Variants in MYO16 observed in about 807,000 individuals in gnomAD.
MYO16 encodes unconventional myosin-XVI.
MYO16 carries 94 observed loss-of-function variants against 205.3 expected under a neutral mutation model. The ratio of observed to expected loss-of-function variants is 0.46; its 90% CI spans 0.39 to 0.54. The LOEUF (loss-of-function observed/expected upper bound fraction) is 0.54, where lower values mean the gene tolerates loss of function less well. MYO16 is among the 20% of genes least tolerant of loss of function. The pLI is 0.00. For missense variants in MYO16, 2,315 were observed against 2,387.5 expected, an observed-to-expected ratio of 0.97 and a Z score of 0.63; for synonymous variants, 988 against 954.0, an observed-to-expected ratio of 1.04 and a Z score of -0.66.
chr13:108,818,282 G>A (rs1025428890), intron 7 of MYO16, among the ~76,000 whole-genome samples: 3 of 151,910 alleles, frequency 2.0e-5, no homozygotes, highest in African/African-American at 7.3e-5. Flanking sequence ...TACTCTGGAG[G>A]CTGAGACATG....
rs756122473 is a variant in MYO16, at chr13:109,100,873, T to TTACAAGGCTGGCAGGTTGGTGACC, written c.3431_3438+16dup. ...TCGACTTGTTCTCCAGCAGTGTAAA[T>TTACAAGGCTGGCAGGTTGGTGACC]TACAAGGCTGGCAGGTTGGTGACCT... is the stretch of plus-strand genomic sequence containing the variant. On this transcript the variant is annotated inframe_insertion, in exon 28 of 35. Coordinates refer to ENST00000457511, the MANE Select transcript of MYO16 (RefSeq NM_001198950.3). 3.3e-4 allele frequency: 536 copies of TTACAAGGCTGGCAGGTTGGTGACC among 1,612,950 alleles called. 2 individuals are homozygous for TTACAAGGCTGGCAGGTTGGTGACC. Among genetic ancestry groups the TTACAAGGCTGGCAGGTTGGTGACC allele is most frequent in the Non-Finnish European group, 4.1e-4 (485 of 1,179,158 alleles).
At chr13:108,756,352 G>A (rs1885421765) in intron 4 of MYO16, among the ~76,000 whole-genome samples, 1 of 152,002 alleles carries the variant, frequency 6.6e-6, no homozygotes, top group Admixed American at 6.6e-5. Context: ...CATTTCATGG[G>A]CATCCAACAC....
intron 1 of MYO16, among the ~76,000 whole-genome samples, chr13:108,657,051 T>C (rs1407287107): frequency 1.3e-5 from 2 of 152,218 alleles, no homozygotes; most frequent in African/African-American, 4.8e-5. Flanking sequence ...CTTCCAGGCC[T>C]CCTATGTTGA....
intron 16 of MYO16, among the ~76,000 whole-genome samples, chr13:108,952,161 A>G (rs1285603348): frequency 2.7e-5 from 4 of 150,876 alleles, no homozygotes; most frequent in Non-Finnish European, 4.4e-5. Context: ...AAATAAATAA[A>G]ACGATATATA....
At chr13:108,557,912 A>G in the MYO16 span, among the ~76,000 whole-genome samples, 1 of 152,192 alleles carries the variant, frequency 6.6e-6, no homozygotes, top group African/African-American at 2.4e-5. Flanking sequence ...ATACACATAT[A>G]GATAGATAGG....
intron 25 of MYO16, among the ~76,000 whole-genome samples, chr13:109,054,099 T>C (rs1887338108): frequency 6.6e-6 from 1 of 152,128 alleles, no homozygotes; most frequent in Non-Finnish European, 1.5e-5. Context: ...AGTAGGTTAG[T>C]GGCTGAGGTT....
chr13:108,570,177 T>A, the MYO16 span, among the ~76,000 whole-genome samples: 1 of 152,176 alleles, frequency 6.6e-6, no homozygotes, highest in Non-Finnish European at 1.5e-5. Context: ...TTTGGAAGTG[T>A]TTGTGAAGGG....
chr13:108,603,989 G>A (rs940918005), intron 1 of MYO16, among the ~76,000 whole-genome samples: 3 of 152,044 alleles, frequency 2.0e-5, no homozygotes, highest in African/African-American at 4.8e-5. Context: ...TGGCTAGGGA[G>A]GCCTCAGGAA....
intron 15 of MYO16, among the ~76,000 whole-genome samples, chr13:108,898,541 C>T (rs1334733518): frequency 6.6e-6 from 1 of 151,992 alleles, no homozygotes. Flanking sequence ...ATTATCCTTG[C>T]TGAACATAGA....
At chr13:108,505,349 T>A in the MYO16 span, among the ~76,000 whole-genome samples, 3 of 152,220 alleles carry the variant, frequency 2.0e-5, no homozygotes, top group Admixed American at 2.0e-4. Flanking sequence ...TTTGCTTGTT[T>A]GTTTGATAGT....
intron 4 of MYO16, among the ~76,000 whole-genome samples, chr13:108,733,327 G>C (rs865792415): frequency 6.6e-6 from 1 of 152,174 alleles, no homozygotes; most frequent in African/African-American, 2.4e-5. Context: ...TTTACAATTA[G>C]TAACTCCCTT....
In MYO16 at chr13:109,125,138, C is replaced by A; in HGVS notation, c.3562C>A (p.His1188Asn). The A allele has an allele frequency of 6.2e-7, 1 of 1,614,124 alleles. No individual in the cohort carries two copies. The change falls in exon 30 of 35, where the codon CAC (histidine) becomes AAC (asparagine). Residue 1188 changes from histidine (H) to asparagine (N), a missense_variant. His to Asn is a moderately conservative substitution (Grantham distance 68, BLOSUM62 1). Around this residue, in one of 3 missense-constraint regions of MYO16, gnomAD observed 1,097 missense variants for 1,092.0 expected, o/e 1.00. Coordinates refer to ENST00000457511, the MANE Select transcript of MYO16 (RefSeq NM_001198950.3). The surrounding 1 kb of genome is among the most constrained non-coding windows in gnomAD (Gnocchi z 4.0). ...KVIRGFLARQ[H>N]LLQRISIRQQ... ...TATCAGAGGATTTTTAGCACGCCAG[C>A]ACCTGCTTCAGAGAATAAGCATCAG... is the stretch of plus-strand genomic sequence containing the variant.
intron 12 of MYO16, among the ~76,000 whole-genome samples, chr13:108,870,175 G>T (rs1878977286): frequency 6.6e-6 from 1 of 151,820 alleles, no homozygotes; most frequent in Non-Finnish European, 1.5e-5. Flanking sequence ...TGTACCAATT[G>T]TTGATATGAA....
chr13:108,578,817 T>A, the MYO16 span, among the ~76,000 whole-genome samples: 5 of 151,976 alleles, frequency 3.3e-5, no homozygotes, highest in African/African-American at 1.2e-4. Context: ...AACTATGGAC[T>A]GCATGTGGAT....
intron 1 of MYO16, among the ~76,000 whole-genome samples, chr13:108,614,653 G>T (rs903494713): frequency 6.6e-6 from 1 of 151,994 alleles, no homozygotes; most frequent in African/African-American, 2.4e-5. Context: ...ATAATTAAGA[G>T]TCCAGAAATA....
chr13:109,017,555 G>A (rs1566463193), intron 22 of MYO16, among the ~76,000 whole-genome samples: 1 of 152,156 alleles, frequency 6.6e-6, no homozygotes. Flanking sequence ...CCTGAAGAGT[G>A]TTTTCCAACT....
At chr13:109,003,956 T>G (rs1013634601) in intron 21 of MYO16, among the ~76,000 whole-genome samples, 1 of 152,160 alleles carries the variant, frequency 6.6e-6, no homozygotes, top group African/African-American at 2.4e-5. Context: ...TTAGAGAAGC[T>G]CAAAAGGAGA....
At chr13:108,852,303 CAA>C (rs1052037673) in intron 10 of MYO16, among the ~76,000 whole-genome samples, 1 of 152,126 alleles carries the variant, frequency 6.6e-6, no homozygotes, top group Non-Finnish European at 1.5e-5. Flanking sequence ...CAATGGCCAA[CAA>C]AGAAGGTAAG....
At chr13:108,796,990 GA>G (rs1886815693) in intron 6 of MYO16, among the ~76,000 whole-genome samples, 1 of 152,042 alleles carries the variant, frequency 6.6e-6, no homozygotes, top group African/African-American at 2.4e-5. Context: ...GTAAACCGGA[GA>G]GTTTGTTTAG....
Sources: allele counts gnomAD v4.1 joint callset (sites outside exome capture counted in the v4.1 genomes callset), GRCh38; gene constraint gnomAD v4.1.1; regional missense constraint gnomAD v4.1.1; non-coding constraint Gnocchi (gnomAD v3.1); transcripts MANE v1.5; gene names NCBI Gene and HGNC (gene_info 2026-07-23, HGNC 2026-07-21).